Variants in AK8 observed in about 807,000 individuals in gnomAD.
AK8 encodes the protein adenylate kinase 8, also known as ATP-AMP transphosphorylase 8.
In AK8, 44 loss-of-function variants were observed where a neutral mutation model predicts 54.6. The ratio of observed to expected loss-of-function variants is 0.81; its 90% CI spans 0.63 to 1.04. The LOEUF is 1.04. AK8 is among the 50% of genes least tolerant of loss of function. AK8 has a pLI of 0.00. For synonymous variants in AK8, 239 were observed against 245.6 expected, an observed-to-expected ratio of 0.97 and a Z score of 0.25; for missense variants, 555 against 613.6, an observed-to-expected ratio of 0.90 and a Z score of 1.01.
intron 8 of AK8, among the ~76,000 whole-genome samples, chr9:132,824,087 C>A (rs1404651001): frequency 6.6e-6 from 1 of 152,122 alleles, no homozygotes. Flanking sequence ...TGGGGGGCAC[C>A]GGATGCCAAG....
intron 11 of AK8, among the ~76,000 whole-genome samples, chr9:132,749,457 G>A (rs991329046): frequency 8.6e-5 from 13 of 151,902 alleles, no homozygotes; most frequent in African/African-American, 2.7e-4. Context: ...CAGGTGCCCC[G>A]TGCCCGGCAC....
intron 5 of AK8, among the ~76,000 whole-genome samples, chr9:132,851,767 T>A (rs1484800650): frequency 6.6e-6 from 1 of 152,206 alleles, no homozygotes; most frequent in Non-Finnish European, 1.5e-5. Context: ...ACATGCAACC[T>A]GAACCCAACT....
chr9:132,828,569 G>C (rs1841975649), intron 6 of AK8, 76 bp downstream of exon 6: 2 of 1,320,578 alleles, frequency 1.5e-6, no homozygotes, highest in African/African-American at 1.5e-5. Flanking sequence ...GGAGCAGGCA[G>C]CATGAGCGGG....
chr9:132,733,078 C>T (rs1201271669), intron 11 of AK8, among the ~76,000 whole-genome samples: 1 of 152,198 alleles, frequency 6.6e-6, no homozygotes, highest in East Asian at 1.9e-4. Context: ...ACTGCAGCTG[C>T]CCCTCCAGGA....
chr9:132,760,126 G>C (rs1838383157), intron 11 of AK8, among the ~76,000 whole-genome samples: 1 of 151,942 alleles, frequency 6.6e-6, no homozygotes, highest in Non-Finnish European at 1.5e-5. Context: ...CCAATAAAGG[G>C]CTTATACATC....
chr9:132,842,179 C>T (rs1038792491), intron 5 of AK8, among the ~76,000 whole-genome samples: 2 of 152,212 alleles, frequency 1.3e-5, no homozygotes, highest in East Asian at 3.8e-4. Flanking sequence ...ATTATTAGGG[C>T]ATCCGGATGT....
intron 5 of AK8, among the ~76,000 whole-genome samples, chr9:132,854,557 C>T (rs543526682): frequency 9.2e-5 from 14 of 152,244 alleles, no homozygotes; most frequent in Non-Finnish European, 1.6e-4. Flanking sequence ...CATCACTTGT[C>T]GGTTGCCTTA....
intron 11 of AK8, among the ~76,000 whole-genome samples, chr9:132,729,928 T>C (rs1836756221): frequency 6.6e-6 from 1 of 152,220 alleles, no homozygotes; most frequent in African/African-American, 2.4e-5. Context: ...CCTCCTAGCA[T>C]GATCAAAAGA....
At chr9:132,758,920 G>A (rs1053625117) in intron 11 of AK8, among the ~76,000 whole-genome samples, 15 of 151,898 alleles carry the variant, frequency 9.9e-5, no homozygotes, top group African/African-American at 2.2e-4. Flanking sequence ...AGTTCCAGCC[G>A]GGCATGACAG....
In AK8 at chr9:132,814,623, G is replaced by T; in HGVS notation, c.979+15C>A. On this transcript the variant is annotated intron_variant, in intron 10 of 12. Coordinates refer to ENST00000298545, the MANE Select transcript of AK8 (RefSeq NM_152572.3). ...AGCCTGTAAGGTCATGACAGTTAGT[G>T]GGAACGTGGCCTACCTGCCATCTCC... 6.2e-7 allele frequency: 1 copy of T among 1,612,088 alleles called. No individual in the cohort carries two copies. Among genetic ancestry groups the T allele is most frequent in the Non-Finnish European group, 8.5e-7 (1 of 1,178,776 alleles).
intron 11 of AK8, among the ~76,000 whole-genome samples, chr9:132,751,113 G>A (rs570521672): frequency 8.6e-5 from 13 of 152,006 alleles, no homozygotes; most frequent in South Asian, 6.2e-4. Flanking sequence ...GCCGGGTGCC[G>A]TGGCTCACGC....
chr9:132,745,433 C>T (rs564186744), intron 11 of AK8, among the ~76,000 whole-genome samples: 20 of 152,134 alleles, frequency 1.3e-4, no homozygotes, highest in East Asian at 1.2e-3. Context: ...GTCCGTGTCG[C>T]GGCTGTAATG....
rs548468678 is a variant in AK8 at position 132,743,522 on chromosome 9, C to G, written c.1122-15988G>C. Among the ~76,000 whole-genome samples, 3 of 152,348 alleles carry G rather than the reference C, an allele frequency of 2.0e-5. No homozygotes were observed. The East Asian group carries it at 5.8e-4, about 29-fold the overall frequency. ...CACTGTCGCTACCCACCGCCAGATT[C>G]CCCAGCCTTGACTTCTCTGCTATGT... On this transcript the variant is annotated intron_variant, in intron 11 of 12. Coordinates refer to ENST00000298545, the MANE Select transcript of AK8 (RefSeq NM_152572.3).
At chr9:132,747,620 G>T (rs939957089) in intron 11 of AK8, among the ~76,000 whole-genome samples, 3 of 146,032 alleles carry the variant, frequency 2.1e-5, no homozygotes, top group Non-Finnish European at 4.5e-5. Flanking sequence ...TTGTAGAGAG[G>T]GGGTTTCATC....
intron 9 of AK8, among the ~76,000 whole-genome samples, chr9:132,819,605 G>A (rs378412): frequency 0.2 from 30,978 of 152,066 alleles, 3,450 homozygotes; most frequent in East Asian, 0.44. Flanking sequence ...GACATAATAA[G>A]TAGAGTGAGA....
chr9:132,873,735 G>A (rs543007197), intron 2 of AK8, among the ~76,000 whole-genome samples: 7 of 152,264 alleles, frequency 4.6e-5, no homozygotes, highest in African/African-American at 1.4e-4. Flanking sequence ...CTCAGGGTGG[G>A]GGCAGGGGGG....
intron 9 of AK8, among the ~76,000 whole-genome samples, chr9:132,815,159 T>C (rs1360688456): frequency 3.3e-5 from 5 of 152,220 alleles, no homozygotes; most frequent in Non-Finnish European, 7.3e-5. Flanking sequence ...GCACCCTTGT[T>C]ACACAGCAGA....
In AK8 at chr9:132,791,681, ATT is replaced by A. The variant is rs1839953251; in HGVS notation, c.1121+951_1121+952del. On this transcript the variant is annotated intron_variant, in intron 11 of 12. Coordinates refer to ENST00000298545, the MANE Select transcript of AK8 (RefSeq NM_152572.3). This position sits in a 1 kb window ranked among gnomAD's most constrained non-coding sequence, Gnocchi z 4.0. ...GAAAGTTCAGAAACAGGCCCAGTAT[ATT>A]GAGAGACTAAACACACAGTTTGATG... is the stretch of plus-strand genomic sequence containing the variant. Among the ~76,000 whole-genome samples, 1 of 152,200 alleles carries A rather than the reference ATT, an allele frequency of 6.6e-6. No individual in the cohort carries two copies. Among genetic ancestry groups the A allele is most frequent in the Non-Finnish European group, 1.5e-5 (1 of 68,030 alleles).
At position 132,791,744 on chromosome 9, in the gene AK8, C is replaced by G. The variant is rs985222742; in HGVS notation, c.1121+890G>C. Among the ~76,000 whole-genome samples, 1 of 152,180 alleles carries G rather than the reference C, an allele frequency of 6.6e-6. No individual in the cohort carries two copies. Among genetic ancestry groups the G allele is most frequent in the Non-Finnish European group, 1.5e-5 (1 of 68,030 alleles). The stretch of plus-strand genomic sequence containing the variant: ...CATATATAAAAAGAGAACTGGAACC[C>G]ACAACCTGCAGCAACCTGCCCGGGG... On this transcript the variant is annotated intron_variant, in intron 11 of 12. Transcript: ENST00000298545. This position sits in a 1 kb window ranked among gnomAD's most constrained non-coding sequence, Gnocchi z 4.0.
Sources: allele counts gnomAD v4.1 joint callset (sites outside exome capture counted in the v4.1 genomes callset), GRCh38; gene constraint gnomAD v4.1.1; non-coding constraint Gnocchi (gnomAD v3.1); transcripts MANE v1.5; gene names NCBI Gene and HGNC (gene_info 2026-07-23, HGNC 2026-07-21).